Variants in TMEM94 observed in about 807,000 individuals in gnomAD.
The protein encoded by TMEM94 is ER Mg2+ ATPase.
TMEM94 carries 81 observed loss-of-function variants against 158.6 expected under a neutral mutation model. The ratio of observed to expected loss-of-function variants is 0.51; its 90% confidence interval spans 0.43 to 0.61. The LOEUF (loss-of-function observed/expected upper bound fraction) is 0.61, where lower values mean the gene tolerates loss of function less well. TMEM94 is among the 20% of genes least tolerant of loss of function. TMEM94 has a pLI of 0.00. For synonymous variants in TMEM94, 751 were observed against 730.7 expected, an observed-to-expected ratio of 1.03 and a Z score of -0.45; for missense variants, 1,435 against 1,762.0, an observed-to-expected ratio of 0.81 and a Z score of 3.32.
intron 2 of TMEM94, among the ~76,000 whole-genome samples, chr17:75,475,880 C>T (rs2050667878): frequency 1.3e-5 from 2 of 152,220 alleles, no homozygotes; most frequent in South Asian, 2.1e-4. Context: ...TGGGCTGGCT[C>T]TTCCCTCCCT....
chr17:75,463,791 A>G (rs1354446285), intron 1 of TMEM94, among the ~76,000 whole-genome samples: 1 of 152,154 alleles, frequency 6.6e-6, no homozygotes, highest in Non-Finnish European at 1.5e-5. Context: ...GGTTTATGCT[A>G]TCCAAGAATT....
In TMEM94 at chr17:75,497,849, C is replaced by A; in HGVS notation, c.3476C>A (p.Ser1159Tyr). Residue 1159 changes from serine (S) to tyrosine (Y), a missense_variant, in exon 27 of 32, where the codon TCC becomes TAC. Physicochemically the swap from Ser to Tyr is moderately radical, Grantham distance 144. This residue lies in a region of TMEM94 where 335 missense variants were observed against 409.1 expected (regional missense o/e 0.82). Transcript: ENST00000314256. The stretch of plus-strand genomic sequence containing the variant: ...ATGGCAACGGGGAAAAACCTCCAGT[C>A]CATTCCCAAGAAGGTAAGCAAAACA... The part of the protein sequence containing the change: ...MSMATGKNLQ[S>Y]IPKKTQHYFL... The A allele has an allele frequency of 6.2e-7, 1 of 1,613,808 alleles. No individual in the cohort carries two copies.
chr17:75,496,248 C>G (rs2052671390), intron 23 of TMEM94, 34 bp from the exon 24 acceptor site: 1 of 1,613,222 alleles, frequency 6.2e-7, no homozygotes, highest in African/African-American at 1.3e-5. Flanking sequence ...GTGGGAGATA[C>G]AGCTGAAGTG....
chr17:75,463,057 T>C (rs1254651053), intron 1 of TMEM94, among the ~76,000 whole-genome samples: 1 of 14,762 alleles, frequency 6.8e-5, no homozygotes, highest in Non-Finnish European at 1.1e-4. Context: ...TATATATATA[T>C]ATATATATAT....
chr17:75,488,641 C>A, intron 6 of TMEM94, 118 bp from the exon 7 acceptor site: 1 of 1,240,342 alleles, frequency 8.1e-7, no homozygotes, highest in Non-Finnish European at 1.1e-6. Flanking sequence ...TCCCAGTGGA[C>A]TCTGGGCTAA....
In TMEM94 at chr17:75,492,381, G is replaced by A; in HGVS notation, c.1597-93G>A. ...CTGGGAAGGGTGCCTTTCAGGGGCA[G>A]GAGCCCTCCCCAGCCTTGGGAGGTG... is the stretch of plus-strand genomic sequence containing the variant. On this transcript the variant is annotated intron_variant, in intron 14 of 31. Transcript: ENST00000314256. The surrounding 1 kb of genome is among the most constrained non-coding windows in gnomAD (Gnocchi z 4.4). The A allele has an allele frequency of 1.4e-6, 2 of 1,477,008 alleles. No homozygotes were observed. The highest frequency in any genetic ancestry group is 1.8e-6 in the Non-Finnish European group (2 of 1,113,994). The allele number at this position is 1,477,008 out of a possible 1,614,324, so 91.5% of individuals were successfully genotyped here.
Position 75,498,842 on chromosome 17 carries a change from T to G in TMEM94, c.3828-70T>G. The G allele has an allele frequency of 6.6e-7, 1 of 1,522,174 alleles. No individual in the cohort carries two copies. The highest frequency in any genetic ancestry group is 8.8e-7 in the Non-Finnish European group (1 of 1,134,382). 94.3% of individuals were successfully genotyped at this position (1,522,174 alleles called of 1,614,324 possible). On this transcript the variant is annotated intron_variant, in intron 30 of 31. Coordinates refer to ENST00000314256, the MANE Select transcript of TMEM94 (RefSeq NM_014738.6). The surrounding 1 kb of genome is among the most constrained non-coding windows in gnomAD (Gnocchi z 6.7). ...TTAACTGTACCCTGCCTGAGCTAAC[T>G]GTTGTACTGGGAAGAGCAGGGAAGG...
rs747369808 is a variant in TMEM94, at chr17:75,489,400, G to T, written c.867+32G>T. The T allele has an allele frequency of 1.2e-6, 2 of 1,601,584 alleles. No individual in the cohort carries two copies. Among genetic ancestry groups the T allele is most frequent in the Non-Finnish European group, 1.7e-6 (2 of 1,168,756 alleles). On this transcript the variant is annotated intron_variant, in intron 8 of 31. Coordinates refer to ENST00000314256, the MANE Select transcript of TMEM94 (RefSeq NM_014738.6). This position sits in a 1 kb window ranked among gnomAD's most constrained non-coding sequence, Gnocchi z 5.0. ...GTGGCGGGGCTGTGCGGGGCTGCAT[G>T]GGGCAGAGGAGAGGGCTGGACACGG...
In TMEM94 at chr17:75,491,498, G is replaced by A. The variant is rs759509219; in HGVS notation, c.1386+43G>A. On this transcript the variant is annotated intron_variant, in intron 13 of 31. Coordinates refer to ENST00000314256, the MANE Select transcript of TMEM94 (RefSeq NM_014738.6). This position sits in a 1 kb window ranked among gnomAD's most constrained non-coding sequence, Gnocchi z 5.1. ...GCCGGCTCCCATGGGCCCGACTCTG[G>A]GCCAGGCTGTTTAGCCTTGGAGCCT... is the stretch of plus-strand genomic sequence containing the variant. 9.3e-6 allele frequency: 15 copies of A among 1,613,534 alleles called. No homozygotes were observed. The South Asian group carries it at 1.4e-4, about 15-fold the overall frequency.
At chr17:75,464,668 CTTCCTTCCTTCTTTCT>C (rs760258589) in intron 1 of TMEM94, among the ~76,000 whole-genome samples, 4,050 of 103,322 alleles carry the variant, frequency 0.039, 80 homozygotes, top group Middle Eastern at 0.056. Context: ...TCCTTCCTTC[CTTCCTTCCTTCTTTCT>C]TTCTTTCTTT....
At chr17:75,482,299 T>C (rs2051222808) in intron 2 of TMEM94, among the ~76,000 whole-genome samples, 1 of 150,880 alleles carries the variant, frequency 6.6e-6, no homozygotes, top group Admixed American at 6.6e-5. Flanking sequence ...TGAGCTGAGA[T>C]TGCGCCACTG....
In TMEM94 at chr17:75,487,698, C is replaced by T. The variant is rs200258424; in HGVS notation, c.410-234C>T. 6.6e-6 allele frequency among the ~76,000 whole-genome samples: 1 copy of T among 152,122 alleles called. No individual in the cohort carries two copies. Among genetic ancestry groups the T allele is most frequent in the Non-Finnish European group, 1.5e-5 (1 of 68,032 alleles). Reference sequence around the variant, plus strand: ...CTGAATGGGATGGGGGTACAAAGAACGAGAGCTCCAGGTGTTGAGAGGAGG... The same window carrying T: ...CTGAATGGGATGGGGGTACAAAGAATGAGAGCTCCAGGTGTTGAGAGGAGG... On this transcript the variant is annotated intron_variant, in intron 5 of 31. Transcript: ENST00000314256. The surrounding 1 kb of genome is among the most constrained non-coding windows in gnomAD (Gnocchi z 4.6).
chr17:75,490,027 C>T (rs1048385444), intron 9 of TMEM94: 24 of 651,944 alleles, frequency 3.7e-5, no homozygotes, highest in Middle Eastern at 4.3e-4. Flanking sequence ...TGCAGTGAGC[C>T]GAGATCACGC....
intron 26 of TMEM94, 119 bp from the exon 27 acceptor site, chr17:75,497,662 T>C (rs2052851972): frequency 2.7e-6 from 2 of 746,404 alleles, no homozygotes; most frequent in African/African-American, 3.5e-5. Flanking sequence ...GCCTTTGTTT[T>C]ATTCCATCCC....
chr17:75,481,049 G>C (rs140767172), intron 2 of TMEM94, among the ~76,000 whole-genome samples: 172 of 152,316 alleles, frequency 1.1e-3, no homozygotes, highest in Non-Finnish European at 1.4e-3. Context: ...AGGAACAGAC[G>C]TCCATGCCCA....
At chr17:75,482,923 G>A (rs1419807334) in intron 2 of TMEM94, among the ~76,000 whole-genome samples, 1 of 152,222 alleles carries the variant, frequency 6.6e-6, no homozygotes, top group Non-Finnish European at 1.5e-5. Context: ...AGAGCCAGCT[G>A]TGTCAATCTG....
In TMEM94 at chr17:75,488,634, C is replaced by T. The variant is rs566558883; in HGVS notation, c.613-125C>T. 4 of 1,123,496 alleles carry T rather than the reference C, an allele frequency of 3.6e-6. No homozygotes were observed. In the South Asian group the frequency reaches 4.3e-5, roughly 12 times the overall value. The allele number at this position is 1,123,496 out of a possible 1,614,324, so 69.6% of individuals were successfully genotyped here. On this transcript the variant is annotated intron_variant, in intron 6 of 31. Transcript: ENST00000314256. Reference sequence around the variant, plus strand: ...AAGTCTAGTCCCACAGGCCCTGTCCCAGTGGACTCTGGGCTAACTGATGGC... The same window carrying T: ...AAGTCTAGTCCCACAGGCCCTGTCCTAGTGGACTCTGGGCTAACTGATGGC...
Position 75,494,949 on chromosome 17 carries a change from C to T in TMEM94, c.2643C>T (p.Leu881=), listed in dbSNP as rs1289379335. The T allele has an allele frequency of 3.1e-6, 5 of 1,613,398 alleles. No individual in the cohort carries two copies. The highest frequency in any genetic ancestry group is 4.2e-6 in the Non-Finnish European group (5 of 1,180,044). The change falls in exon 20 of 32, where the codon CTC becomes CTT. Residue 881 remains leucine, a synonymous_variant. Coordinates refer to ENST00000314256, the MANE Select transcript of TMEM94 (RefSeq NM_014738.6). Reference sequence around the variant, plus strand: ...CAGGCTGGAACTGCCACATCTCCCTCACACCCAATGGTGACATGCCTGGCT... The same window carrying T: ...CAGGCTGGAACTGCCACATCTCCCTTACACCCAATGGTGACATGCCTGGCT... The part of the protein sequence containing the change: ...LETGWNCHIS[L]TPNGDMPGSE...
intron 2 of TMEM94, among the ~76,000 whole-genome samples, chr17:75,472,722 C>T (rs1213676186): frequency 1.3e-5 from 2 of 152,184 alleles, no homozygotes; most frequent in African/African-American, 2.4e-5. Context: ...ACCTACTTAA[C>T]CTTTAGTGTG....
Sources: allele counts gnomAD v4.1 joint callset (sites outside exome capture counted in the v4.1 genomes callset), GRCh38; gene constraint gnomAD v4.1.1; regional missense constraint gnomAD v4.1.1; non-coding constraint Gnocchi (gnomAD v3.1); transcripts MANE v1.5; gene names NCBI Gene and HGNC (gene_info 2026-07-23, HGNC 2026-07-21).